The following MAPDA variants were observed in gnomAD, a reference collection of about 807,000 sequenced individuals.
The protein encoded by MAPDA is N6-Methyl-AMP deaminase.
At chr15:43,330,672 G>A in the MAPDA span, 1 of 623,718 alleles carries the variant, frequency 1.6e-6, no homozygotes, top group South Asian at 3.2e-5. Flanking sequence ...TGAGGAGGGT[G>A]TAGCCAGTGC....
At chr15:43,344,565 T>C in the MAPDA span, among the ~76,000 whole-genome samples, 1 of 152,132 alleles carries the variant, frequency 6.6e-6, no homozygotes, top group Non-Finnish European at 1.5e-5. Flanking sequence ...TCCCAGAACT[T>C]TGGGAGGCCA....
the MAPDA span, among the ~76,000 whole-genome samples, chr15:43,347,409 C>T: frequency 6.6e-6 from 1 of 152,008 alleles, no homozygotes; most frequent in Non-Finnish European, 1.5e-5. Context: ...CAAGCTGACT[C>T]TAAGAAAAGC....
chr15:43,345,276 C>T, the MAPDA span, among the ~76,000 whole-genome samples: 95 of 150,996 alleles, frequency 6.3e-4, 1 homozygote, highest in Middle Eastern at 3.4e-3. Flanking sequence ...ATCGCTTGGA[C>T]CCGGGAGGCA....
chr15:43,330,455 G>A, the MAPDA span: 5 of 1,530,374 alleles, frequency 3.3e-6, no homozygotes, highest in East Asian at 4.6e-5. Context: ...GTTCTGTACC[G>A]CGCCTGCCCG....
the MAPDA span, among the ~76,000 whole-genome samples, chr15:43,342,070 C>G: frequency 1.3e-5 from 2 of 152,068 alleles, no homozygotes; most frequent in East Asian, 3.9e-4. Context: ...AACTCCTGAC[C>G]TCAGGTGATC....
At chr15:43,338,228 CA>C in the MAPDA span, among the ~76,000 whole-genome samples, 1 of 152,164 alleles carries the variant, frequency 6.6e-6, no homozygotes, top group East Asian at 1.9e-4. Context: ...CAGAGGGTGA[CA>C]ATGGGGTGCC....
the MAPDA span, among the ~76,000 whole-genome samples, chr15:43,349,851 G>A: frequency 6.6e-6 from 1 of 152,162 alleles, no homozygotes; most frequent in Non-Finnish European, 1.5e-5. Flanking sequence ...GAGAGAATGG[G>A]AACCACTGGC....
At chr15:43,342,919 A>G in the MAPDA span, 1 of 1,088,820 alleles carries the variant, frequency 9.2e-7, no homozygotes, top group East Asian at 2.6e-5. Flanking sequence ...GTAATTGTTC[A>G]TATAGGATTG....
chr15:43,330,416 C>A, the MAPDA span: 1 of 1,568,104 alleles, frequency 6.4e-7, no homozygotes. Context: ...GGCCAGGGAA[C>A]GCTTGCTGAG....
At chr15:43,333,139 TGGCCG>T in the MAPDA span, among the ~76,000 whole-genome samples, 2 of 152,132 alleles carry the variant, frequency 1.3e-5, no homozygotes, top group Non-Finnish European at 2.9e-5. Context: ...ATTGAAAATC[TGGCCG>T]GGCGCAGTGG....
At chr15:43,344,991 C>T in the MAPDA span, among the ~76,000 whole-genome samples, 1 of 152,056 alleles carries the variant, frequency 6.6e-6, no homozygotes, top group Non-Finnish European at 1.5e-5. Flanking sequence ...CACACCACCA[C>T]CAGTTTACTC....
At chr15:43,344,636 C>T in the MAPDA span, among the ~76,000 whole-genome samples, 1 of 152,050 alleles carries the variant, frequency 6.6e-6, no homozygotes, top group East Asian at 1.9e-4. Flanking sequence ...TGATGAAACT[C>T]CATCTCTACT....
At chr15:43,332,056 G>A in the MAPDA span, 1 of 152,142 alleles carries the variant, frequency 6.6e-6, no homozygotes, top group Non-Finnish European at 1.5e-5. Flanking sequence ...TAGTTGTGGG[G>A]ATAGGAGAAT....
chr15:43,334,633 T>TTTTATATATATATATATA, the MAPDA span, among the ~76,000 whole-genome samples: 2 of 65,142 alleles, frequency 3.1e-5, no homozygotes, highest in African/African-American at 6.6e-5. Context: ...CTCAAAAAAA[T>TTTTATATATATATATATA]TATATATATA....
chr15:43,332,420 C>T, the MAPDA span: 8 of 151,038 alleles, frequency 5.3e-5, no homozygotes, highest in Admixed American at 3.3e-4. Context: ...TTGAAAAATA[C>T]GTAGCACCAT....
chr15:43,346,698 T>G, the MAPDA span, among the ~76,000 whole-genome samples: 1 of 152,222 alleles, frequency 6.6e-6, no homozygotes, highest in Non-Finnish European at 1.5e-5. Flanking sequence ...CTGAGTCAAG[T>G]GAGTGAGTTC....
At chr15:43,341,291 G>A in the MAPDA span, among the ~76,000 whole-genome samples, 3 of 152,152 alleles carry the variant, frequency 2.0e-5, no homozygotes, top group African/African-American at 2.4e-5. Context: ...TCAGTTCCAC[G>A]TTGTACTGGT....
the MAPDA span, chr15:43,354,355 C>T: frequency 6.6e-6 from 1 of 152,114 alleles, no homozygotes; most frequent in Non-Finnish European, 1.5e-5. Flanking sequence ...ATTTTCTACC[C>T]TTATCTACTC....
the MAPDA span, chr15:43,351,172 G>C: frequency 1.2e-5 from 10 of 852,642 alleles, no homozygotes; most frequent in Admixed American, 1.9e-4. Context: ...AGAAGGGACC[G>C]GGGTGTGGCT....
Sources: allele counts gnomAD v4.1 joint callset (sites outside exome capture counted in the v4.1 genomes callset), GRCh38; gene constraint gnomAD v4.1.1; transcripts MANE v1.5; gene names NCBI Gene and HGNC (gene_info 2026-07-23, HGNC 2026-07-21).